NLRP3: variants seen among roughly 807,000 people sequenced by gnomAD.
NLRP3 encodes NACHT, LRR and PYD domains-containing protein 3.
A neutral mutation model predicts 91.3 loss-of-function variants in NLRP3; 48 were observed. The ratio of observed to expected loss-of-function variants is 0.53; its 90% CI spans 0.42 to 0.67. The LOEUF is 0.67. Among genes scored for constraint, NLRP3 ranks in the 30% least tolerant of loss-of-function variants. The pLI, the probability that NLRP3 is intolerant of heterozygous loss-of-function variation, is 0.00. For synonymous variants in NLRP3, 561 were observed against 507.9 expected, an observed-to-expected ratio of 1.10 and a Z score of -1.41; for missense variants, 982 against 1,276.9, an observed-to-expected ratio of 0.77 and a Z score of 3.52.
chr1:247,448,258 T>C, intron 9 of NLRP3, 147 bp from the exon 10 acceptor site: 1 of 616,668 alleles, frequency 1.6e-6, no homozygotes, highest in Non-Finnish European at 2.9e-6. Flanking sequence ...CTCTGGGAGT[T>C]GTGGTCCCTC....
chr1:247,419,365 G>C (rs56300916), intron 2 of NLRP3, among the ~76,000 whole-genome samples: 1 of 152,052 alleles, frequency 6.6e-6, no homozygotes, highest in Non-Finnish European at 1.5e-5. Flanking sequence ...ATGTTGGTCA[G>C]GTTGGTCTCA....
Position 247,425,657 on chromosome 1 carries a change from C to G in NLRP3, c.2150+58C>G. Reference sequence around the variant, plus strand: ...TGCTTCCTCGCCAGCTTCTTCTTGGCGCTTGCCTCCTCTCATCTCTTTTCA... The same window carrying G: ...TGCTTCCTCGCCAGCTTCTTCTTGGGGCTTGCCTCCTCTCATCTCTTTTCA... On this transcript the variant is annotated intron_variant, in intron 4 of 9. Transcript: ENST00000336119. The surrounding 1 kb of genome is among the most constrained non-coding windows in gnomAD (Gnocchi z 4.1). 6.6e-7 allele frequency: 1 copy of G among 1,506,408 alleles called. No individual in the cohort carries two copies. The highest frequency in any genetic ancestry group is 9.1e-7 in the Non-Finnish European group (1 of 1,097,022). 93.3% of individuals were successfully genotyped at this position (1,506,408 alleles called of 1,614,324 possible).
intron 7 of NLRP3, among the ~76,000 whole-genome samples, chr1:247,436,498 G>A (rs1288282871): frequency 1.3e-5 from 2 of 152,086 alleles, no homozygotes; most frequent in African/African-American, 4.8e-5. Flanking sequence ...AGTGCATGCA[G>A]CCTCTACACT....
At chr1:247,437,559 G>T (rs552502239) in intron 7 of NLRP3, among the ~76,000 whole-genome samples, 3 of 152,214 alleles carry the variant, frequency 2.0e-5, no homozygotes, top group African/African-American at 7.2e-5. Context: ...CTCTTCCTTG[G>T]CAATTTGACT....
Position 247,429,586 on chromosome 1 carries a change from T to C in NLRP3, c.2152T>C (p.Leu718=). The change falls in exon 5 of 10, where the codon TTG becomes CTG. Residue 718 remains leucine (L), a splice_region_variant and synonymous_variant. Transcript: ENST00000336119. ...GTCTGTCTTCCTTCTAATTCCTAGATTGGTGAACAGCCACCTCACTTCCAG... is the reference window on the plus strand; with the variant it reads ...GTCTGTCTTCCTTCTAATTCCTAGACTGGTGAACAGCCACCTCACTTCCAG... ...SSSHAACSHG[L]VNSHLTSSFC... 6.2e-7 allele frequency: 1 copy of C among 1,614,156 alleles called. No individual in the cohort carries two copies. The highest frequency in any genetic ancestry group is 8.5e-7 in the Non-Finnish European group (1 of 1,179,982).
Position 247,434,182 on chromosome 1 carries a change from C to A in NLRP3, c.2401C>A (p.Leu801Met), listed in dbSNP as rs1558201037. 6.2e-7 allele frequency: 1 copy of A among 1,614,248 alleles called. No homozygotes were observed. Among genetic ancestry groups the A allele is most frequent in the Non-Finnish European group, 8.5e-7 (1 of 1,180,040 alleles). Residue 801 changes from leucine (L) to methionine (M), a missense_variant, in exon 6 of 10, where the codon CTG becomes ATG. Physicochemically the swap from Leu to Met is conservative, Grantham distance 15. Transcript: ENST00000336119. ...CAGCAGCAACCAGAAGCTGGTGGAGCTGGACCTGAGTGACAACGCCCTCGG... is the reference window on the plus strand; with the variant it reads ...CAGCAGCAACCAGAAGCTGGTGGAGATGGACCTGAGTGACAACGCCCTCGG... ...VLSSNQKLVE[L>M]DLSDNALGDF...
intron 7 of NLRP3, among the ~76,000 whole-genome samples, chr1:247,437,132 T>A (rs541468369): frequency 1.8e-4 from 28 of 152,318 alleles, no homozygotes; most frequent in Admixed American, 6.5e-4. Context: ...CTACAGGGCT[T>A]CTTCATCTGG....
intron 7 of NLRP3, among the ~76,000 whole-genome samples, chr1:247,438,023 C>G (rs1025563069): frequency 4.6e-5 from 7 of 152,200 alleles, no homozygotes; most frequent in Non-Finnish European, 8.8e-5. Flanking sequence ...GTAATATGCT[C>G]TATGTAGTTA....
At chr1:247,426,193 GAA>G (rs34953882) in intron 4 of NLRP3, among the ~76,000 whole-genome samples, 2 of 151,914 alleles carry the variant, frequency 1.3e-5, no homozygotes, top group Non-Finnish European at 2.9e-5. Flanking sequence ...AGTTTCCTTG[GAA>G]AAAAACATGA....
Position 247,424,275 on chromosome 1 carries a change from A to T in NLRP3, c.826A>T (p.Ser276Cys), listed in dbSNP as rs1319976626. 6.2e-7 allele frequency: 1 copy of T among 1,614,098 alleles called. No homozygotes were observed. Among genetic ancestry groups the T allele is most frequent in the Non-Finnish European group, 8.5e-7 (1 of 1,180,016 alleles). The change falls in exon 4 of 10, where the codon AGC becomes TGC. Residue 276 changes from serine to cysteine, a missense_variant. Physicochemically the swap from Ser to Cys is moderately radical, Grantham distance 112 (BLOSUM62 -1). Transcript: ENST00000336119. The surrounding 1 kb of genome is among the most constrained non-coding windows in gnomAD (Gnocchi z 8.1). ...TQRSLGDLIM[S>C]CCPDPNPPIH... Reference sequence around the variant, plus strand: ...GAGGAGCCTGGGGGACCTGATCATGAGCTGCTGCCCCGACCCAAACCCACC... The same window carrying T: ...GAGGAGCCTGGGGGACCTGATCATGTGCTGCTGCCCCGACCCAAACCCACC...
At chr1:247,436,824 C>G (rs1443545599) in intron 7 of NLRP3, among the ~76,000 whole-genome samples, 1 of 152,228 alleles carries the variant, frequency 6.6e-6, no homozygotes, top group Non-Finnish European at 1.5e-5. Flanking sequence ...TAGGGAATAC[C>G]CACTAATAAT....
chr1:247,440,132 T>A (rs1168984720), intron 7 of NLRP3, among the ~76,000 whole-genome samples: 1 of 152,124 alleles, frequency 6.6e-6, no homozygotes, highest in East Asian at 1.9e-4. Context: ...ATAGCCTATG[T>A]GTTAGGTATA....
intron 7 of NLRP3, among the ~76,000 whole-genome samples, chr1:247,439,556 T>C (rs1664059213): frequency 6.6e-6 from 1 of 152,204 alleles, no homozygotes; most frequent in Non-Finnish European, 1.5e-5. Flanking sequence ...ACAAGTCATG[T>C]TAGATTTGTA....
At chr1:247,429,347 C>T (rs1663140534) in intron 4 of NLRP3, among the ~76,000 whole-genome samples, 4 of 152,094 alleles carry the variant, frequency 2.6e-5, no homozygotes, top group Admixed American at 2.6e-4. Flanking sequence ...CTGTAGGGTG[C>T]CACAGTCCGC....
At chr1:247,448,039 T>C (rs1416923377) in intron 9 of NLRP3, among the ~76,000 whole-genome samples, 2 of 151,944 alleles carry the variant, frequency 1.3e-5, no homozygotes, top group Non-Finnish European at 2.9e-5. Context: ...CACATTTTTA[T>C]TGGGAGCCGT....
chr1:247,424,209 C>T lies in NLRP3; in HGVS notation c.760C>T (p.Leu254=). 1 of 1,614,108 alleles carries T rather than the reference C, an allele frequency of 6.2e-7. No individual in the cohort carries two copies. Among genetic ancestry groups the T allele is most frequent in the Non-Finnish European group, 8.5e-7 (1 of 1,180,016 alleles). Residue 254 remains leucine (L), a synonymous_variant, in exon 4 of 10, where the codon CTG becomes TTG. Coordinates refer to ENST00000336119, the MANE Select transcript of NLRP3 (RefSeq NM_001243133.2). This position sits in a 1 kb window ranked among gnomAD's most constrained non-coding sequence, Gnocchi z 8.1. ...ACTCTACCAAGACAGGTTTGACTAT[C>T]TGTTCTATATCCACTGTCGAGAGGT... ...GTLYQDRFDY[L]FYIHCREVSL...
In NLRP3 at chr1:247,418,307, C is replaced by CTTTT; in HGVS notation, c.-485_-482dup. On this transcript the variant is annotated 5_prime_UTR_variant, in exon 2 of 10. The change creates a premature stop within an existing upstream ORF in the 5' untranslated region. Transcript: ENST00000336119. ...AACTTTCTGGTAAGCATTTGGCTAA[C>CTTTT]TTTTTTTTTTTTGAGATGGAGTCTT... 5.3e-6 allele frequency: 1 copy of CTTTT among 189,030 alleles called. No individual in the cohort carries two copies. The highest frequency in any genetic ancestry group is 8.6e-5 in the South Asian group (1 of 11,634). 11.7% of individuals were successfully genotyped at this position (189,030 alleles called of 1,614,324 possible).
chr1:247,419,116 A>G (rs1188442177), intron 2 of NLRP3, 39 bp downstream of exon 2: 4 of 1,561,516 alleles, frequency 2.6e-6, no homozygotes, highest in Non-Finnish European at 1.7e-6. Context: ...ATTGTGGCCA[A>G]GTGCACATAG....
Position 247,425,581 on chromosome 1 carries a change from A to T in NLRP3, c.2132A>T (p.His711Leu), listed in dbSNP as rs767805817. The T allele has an allele frequency of 6.8e-6, 11 of 1,607,524 alleles. No individual in the cohort carries two copies. Among genetic ancestry groups the T allele is most frequent in the Admixed American group, 1.7e-5 (1 of 60,020 alleles). The change falls in exon 4 of 10, where the codon CAT (histidine) becomes CTT (leucine). Residue 711 changes from histidine to leucine, a missense_variant. His to Leu is a moderately conservative substitution (Grantham distance 99). Coordinates refer to ENST00000336119, the MANE Select transcript of NLRP3 (RefSeq NM_001243133.2). The surrounding 1 kb of genome is among the most constrained non-coding windows in gnomAD (Gnocchi z 4.1). ...CAGTGTGTCCTCCCAAGCTCCTCTC[A>T]TGCTGCCTGTTCTCATGGGTAAGGA... The part of the protein sequence containing the change: ...MVQCVLPSSS[H>L]AACSHGLVNS...
Sources: gnomAD v4.1 joint callset for allele counts (sites outside exome capture counted in the v4.1 genomes callset) on GRCh38, gnomAD v4.1.1 for gene constraint, Gnocchi (gnomAD v3.1) non-coding constraint, MANE v1.5 for transcripts, NCBI Gene and HGNC (gene_info 2026-07-23, HGNC 2026-07-21) for gene names.